MIS18A: variants seen among roughly 807,000 people sequenced by gnomAD.
The protein encoded by MIS18A is MIS18 kinetochore protein A.
Under a neutral mutation model 25.0 loss-of-function variants are expected in MIS18A, and 14 were observed. The observed-to-expected ratio is 0.56, with a 90% confidence interval of 0.37 to 0.88. MIS18A has a LOEUF of 0.88. Among genes scored for constraint, MIS18A ranks in the 40% least tolerant of loss-of-function variants. The pLI, the probability that MIS18A is intolerant of heterozygous loss-of-function variation, is 0.00. For missense variants in MIS18A, 292 were observed against 290.8 expected (o/e 1.00, Z -0.03); for synonymous variants, 134 against 118.6 (o/e 1.13, Z -0.84).
At chr21:32,186,745 A>T in the MIS18A span, among the ~76,000 whole-genome samples, 2 of 152,320 alleles carry the variant, frequency 1.3e-5, no homozygotes, top group South Asian at 4.1e-4. Context: ...TTCTCATTAC[A>T]GTTATTTTGC....
At chr21:32,278,442 G>A (rs2031859384) in intron 1 of MIS18A, 1 of 543,092 alleles carries the variant, frequency 1.8e-6, no homozygotes, top group African/African-American at 2.0e-5. Flanking sequence ...CGATGATGCT[G>A]ATTCAACCAC....
chr21:32,178,197 G>T, the MIS18A span, among the ~76,000 whole-genome samples: 1 of 151,936 alleles, frequency 6.6e-6, no homozygotes, highest in African/African-American at 2.4e-5. Flanking sequence ...TGGGATTATA[G>T]GCATGAGCCA....
chr21:32,227,812 A>C, the MIS18A span, among the ~76,000 whole-genome samples: 1 of 152,238 alleles, frequency 6.6e-6, no homozygotes, highest in Non-Finnish European at 1.5e-5. Context: ...TACTATTAGT[A>C]AACCAAATCC....
chr21:32,176,847 A>C, the MIS18A span, among the ~76,000 whole-genome samples: 1 of 152,182 alleles, frequency 6.6e-6, no homozygotes, highest in African/African-American at 2.4e-5. Flanking sequence ...TACTACACAA[A>C]ACTATCCCAG....
At chr21:32,257,846 A>AT in the MIS18A span, among the ~76,000 whole-genome samples, 3 of 152,098 alleles carry the variant, frequency 2.0e-5, no homozygotes, top group Non-Finnish European at 4.4e-5. Context: ...ATGCACGAGT[A>AT]TTTTTTTAAT....
chr21:32,269,077 T>G lies in MIS18A; in HGVS notation c.662A>C (p.Glu221Ala). Residue 221 changes from glutamate to alanine, a missense_variant, in exon 5 of 5, where the codon GAG becomes GCG. Coordinates refer to ENST00000290130, the MANE Select transcript of MIS18A (RefSeq NM_018944.3). ...VLKALQMKLW[E>A]AESKLSFATC... ...GGCAAAGGACAATTTGGATTCGGCCTCCCACAGCTTCATTTGTAATGCTTT... is the reference window on the plus strand; with the variant it reads ...GGCAAAGGACAATTTGGATTCGGCCGCCCACAGCTTCATTTGTAATGCTTT... The G allele has an allele frequency of 6.2e-7, 1 of 1,605,814 alleles. No homozygotes were observed. Among genetic ancestry groups the G allele is most frequent in the Non-Finnish European group, 8.5e-7 (1 of 1,174,918 alleles).
chr21:32,166,738 C>T, the MIS18A span, among the ~76,000 whole-genome samples: 2 of 151,934 alleles, frequency 1.3e-5, no homozygotes, highest in Admixed American at 6.6e-5. Context: ...AAAAAGAATT[C>T]GAAATAATTA....
the MIS18A span, among the ~76,000 whole-genome samples, chr21:32,254,076 A>T: frequency 6.6e-6 from 1 of 152,092 alleles, no homozygotes; most frequent in Non-Finnish European, 1.5e-5. Flanking sequence ...CTCTACTAAA[A>T]ATACAATAGC....
chr21:32,184,800 C>T, the MIS18A span, among the ~76,000 whole-genome samples: 2 of 152,148 alleles, frequency 1.3e-5, no homozygotes, highest in Non-Finnish European at 2.9e-5. Flanking sequence ...CCTCTGGGCA[C>T]AAAACCTCAA....
At chr21:32,186,372 G>C in the MIS18A span, among the ~76,000 whole-genome samples, 12 of 152,330 alleles carry the variant, frequency 7.9e-5, no homozygotes, top group Admixed American at 5.2e-4. Flanking sequence ...TGAGCCTGCA[G>C]GCTCCTTAAG....
chr21:32,228,329 C>A, the MIS18A span, among the ~76,000 whole-genome samples: 1 of 152,090 alleles, frequency 6.6e-6, no homozygotes, highest in Non-Finnish European at 1.5e-5. Context: ...CCTAGTGATC[C>A]GCCCACCTCG....
At chr21:32,200,531 T>A in the MIS18A span, among the ~76,000 whole-genome samples, 1 of 152,002 alleles carries the variant, frequency 6.6e-6, no homozygotes, top group Non-Finnish European at 1.5e-5. Context: ...CCTCCTGGGT[T>A]CATGCCATTC....
the MIS18A span, among the ~76,000 whole-genome samples, chr21:32,189,342 GA>G: frequency 2.0e-5 from 3 of 152,232 alleles, no homozygotes; most frequent in African/African-American, 7.2e-5. Context: ...GCAGTGGCAT[GA>G]GCATGGCTCA....
At chr21:32,195,691 G>C in the MIS18A span, among the ~76,000 whole-genome samples, 2 of 152,160 alleles carry the variant, frequency 1.3e-5, no homozygotes, top group African/African-American at 2.4e-5. Flanking sequence ...GAGCAGCTTA[G>C]AGGAATGGAG....
chr21:32,197,406 T>A, the MIS18A span, among the ~76,000 whole-genome samples: 37 of 152,194 alleles, frequency 2.4e-4, no homozygotes, highest in Non-Finnish European at 1.5e-5. Context: ...GCATGATACA[T>A]GGATTTGAAT....
At chr21:32,197,630 TAG>T in the MIS18A span, 1 of 152,208 alleles carries the variant, frequency 6.6e-6, no homozygotes, top group South Asian at 2.1e-4. Flanking sequence ...ATCATTTCTG[TAG>T]AGACCGTCTG....
At chr21:32,177,067 T>C in the MIS18A span, among the ~76,000 whole-genome samples, 1 of 152,146 alleles carries the variant, frequency 6.6e-6, no homozygotes, top group Non-Finnish European at 1.5e-5. Flanking sequence ...AATAAAATAG[T>C]AGCAAGTCAG....
At chr21:32,214,072 A>C in the MIS18A span, among the ~76,000 whole-genome samples, 8 of 152,008 alleles carry the variant, frequency 5.3e-5, no homozygotes, top group African/African-American at 1.9e-4. Flanking sequence ...CAGAGTAGAC[A>C]CTCTGACATC....
At chr21:32,200,555 T>C in the MIS18A span, among the ~76,000 whole-genome samples, 1 of 151,640 alleles carries the variant, frequency 6.6e-6, no homozygotes, top group Non-Finnish European at 1.5e-5. Flanking sequence ...TGCCTCAGCC[T>C]CCCGAGTAGC....
Sources: gnomAD v4.1 joint callset for allele counts (sites outside exome capture counted in the v4.1 genomes callset) on GRCh38, gnomAD v4.1.1 for gene constraint, MANE v1.5 for transcripts, NCBI Gene and HGNC (gene_info 2026-07-23, HGNC 2026-07-21) for gene names.